The following MED27 variants were observed in gnomAD, a reference collection of about 807,000 sequenced individuals.
MED27 encodes mediator of RNA polymerase II transcription subunit 27.
In MED27, 30 loss-of-function variants were observed where a neutral mutation model predicts 38.2. The observed-to-expected ratio is 0.79, with a 90% CI of 0.59 to 1.07. The LOEUF (loss-of-function observed/expected upper bound fraction) is 1.07. Ranked by LOEUF, MED27 falls within the 50% of genes least tolerant of loss-of-function variation. The probability of loss-of-function intolerance (pLI) is 0.00; values close to 1 mark genes in which losing one functional copy is unlikely to be tolerated. For missense variants in MED27, 289 were observed against 397.5 expected, an observed-to-expected ratio of 0.73 and a Z score of 2.32; for synonymous variants, 122 against 153.5, an observed-to-expected ratio of 0.79 and a Z score of 1.52.
intron 6 of MED27, among the ~76,000 whole-genome samples, chr9:131,881,797 C>CTTTTTTTTT (rs1564266792): frequency 1.9e-5 from 1 of 53,780 alleles, no homozygotes; most frequent in African/African-American, 5.2e-5. Flanking sequence ...CCTTCTTCTT[C>CTTTTTTTTT]TTCTTTTTTT....
At chr9:131,931,177 G>A (rs540450845) in intron 4 of MED27, among the ~76,000 whole-genome samples, 69 of 152,084 alleles carry the variant, frequency 4.5e-4, no homozygotes, top group African/African-American at 6.3e-4. Flanking sequence ...CTCAGGGGGC[G>A]GAGGCTGCAG....
At chr9:131,973,464 T>C (rs1444918647) in intron 3 of MED27, among the ~76,000 whole-genome samples, 1 of 148,136 alleles carries the variant, frequency 6.8e-6, no homozygotes, top group Non-Finnish European at 1.5e-5. Flanking sequence ...TTTCTTTTTT[T>C]TTTTTTTTTT....
chr9:131,905,532 C>T (rs117054348), intron 4 of MED27, among the ~76,000 whole-genome samples: 1 of 152,008 alleles, frequency 6.6e-6, no homozygotes, highest in Non-Finnish European at 1.5e-5. Context: ...CTTAGGCCAA[C>T]AAAACTGCGT....
intron 4 of MED27, among the ~76,000 whole-genome samples, chr9:131,931,543 T>C (rs1415131960): frequency 6.6e-6 from 1 of 151,788 alleles, no homozygotes; most frequent in East Asian, 1.9e-4. Flanking sequence ...ATAAGTAAAC[T>C]CTCCAATCAA....
rs756688103 is a variant in MED27 at position 131,862,607 on chromosome 9, C to G, written c.801+456G>C. On this transcript the variant is annotated intron_variant, in intron 7 of 7. Transcript: ENST00000292035. This position sits in a 1 kb window ranked among gnomAD's most constrained non-coding sequence, Gnocchi z 4.6. ...TCGCAAGATACTGAACAGGCACTGG[C>G]AGGAGCCGGCTGCAGCACCCCATTG... is the stretch of plus-strand genomic sequence containing the variant. 9.1e-4 allele frequency among the ~76,000 whole-genome samples: 138 copies of G among 152,158 alleles called. 5 individuals are homozygous for G. Among genetic ancestry groups the G allele is most frequent in the Admixed American group, 5.2e-4 (8 of 15,274 alleles).
intron 2 of MED27, among the ~76,000 whole-genome samples, chr9:132,027,347 C>A (rs1832846818): frequency 6.6e-6 from 1 of 152,250 alleles, no homozygotes; most frequent in Non-Finnish European, 1.5e-5. Context: ...GCTCCAGCAG[C>A]TTCCGGCCAT....
rs142591013 is a variant in MED27 at position 132,041,613 on chromosome 9, G to C, written c.349-27146C>G. The stretch of plus-strand genomic sequence containing the variant: ...AAGGCCTGCAGTGCCCATGTGTGTT[G>C]TGACAAAGCTCGACTGAAAGATGGA... On this transcript the variant is annotated intron_variant, in intron 2 of 7. Coordinates refer to ENST00000292035, the MANE Select transcript of MED27 (RefSeq NM_004269.4). 2.0e-5 allele frequency among the ~76,000 whole-genome samples: 3 copies of C among 152,258 alleles called. No individual in the cohort carries two copies. In the East Asian group the frequency reaches 5.8e-4, roughly 29 times the overall value.
chr9:131,970,316 G>A (rs1300593899), intron 3 of MED27, among the ~76,000 whole-genome samples: 1 of 152,236 alleles, frequency 6.6e-6, no homozygotes, highest in Non-Finnish European at 1.5e-5. Context: ...TCCAGGGCCT[G>A]GCAGGGCCAC....
chr9:131,939,514 C>T (rs756785948), intron 3 of MED27, 40 bp from the exon 4 acceptor site: 40 of 1,271,174 alleles, frequency 3.1e-5, no homozygotes, highest in Admixed American at 7.8e-5. Context: ...ACTACAACTC[C>T]AGTTAAGAGC....
At position 131,922,389 on chromosome 9, in the gene MED27, T is replaced by C. The variant is rs368529781; in HGVS notation, c.573+16992A>G. Among the ~76,000 whole-genome samples, 18 of 151,468 alleles carry C rather than the reference T, an allele frequency of 1.2e-4. No homozygotes were observed. In the South Asian group the frequency reaches 3.7e-3, roughly 31 times the overall value. ...TTATGAGTGTTATTTATTTTGGTGT[T>C]CAATTGTCCTGGGTTTGGTGAGTAG... On this transcript the variant is annotated intron_variant, in intron 4 of 7. Transcript: ENST00000292035.
chr9:132,037,640 T>C (rs959207831), intron 2 of MED27, among the ~76,000 whole-genome samples: 3 of 152,104 alleles, frequency 2.0e-5, no homozygotes, highest in East Asian at 3.9e-4. Context: ...ACAGCAACAA[T>C]GGGCTTGGGC....
At position 131,907,419 on chromosome 9, in the gene MED27, C is replaced by T. The variant is rs533088118; in HGVS notation, c.574-13427G>A. Among the ~76,000 whole-genome samples, 641 of 152,294 alleles carry T rather than the reference C, an allele frequency of 4.2e-3. 10 individuals are homozygous for T. The highest frequency in any genetic ancestry group is 0.015 in the African/African-American group (619 of 41,560). On this transcript the variant is annotated intron_variant, in intron 4 of 7. Transcript: ENST00000292035. ...TTTTTTGGTGGAGACGGGGTTTCGC[C>T]GTGTTGGCCGGGCTGGTCTCCATCT... is the stretch of plus-strand genomic sequence containing the variant.
intron 6 of MED27, chr9:131,869,284 C>A (rs544529130): frequency 2.0e-6 from 2 of 985,182 alleles, no homozygotes. Flanking sequence ...AGTGATCTTC[C>A]GTCTTGTCAA....
chr9:132,019,484 G>A (rs1018010882), intron 2 of MED27, among the ~76,000 whole-genome samples: 5 of 152,276 alleles, frequency 3.3e-5, no homozygotes, highest in Admixed American at 3.3e-4. Context: ...CCCAGAAAGT[G>A]GGTATGTTCA....
At chr9:132,037,240 G>C (rs1490148714) in intron 2 of MED27, among the ~76,000 whole-genome samples, 1 of 152,138 alleles carries the variant, frequency 6.6e-6, no homozygotes, top group Non-Finnish European at 1.5e-5. Flanking sequence ...GAATAAACAC[G>C]CTTGAAGTGT....
At chr9:131,993,669 A>G (rs558527897) in intron 3 of MED27, among the ~76,000 whole-genome samples, 19 of 152,320 alleles carry the variant, frequency 1.2e-4, no homozygotes, top group African/African-American at 4.3e-4. Flanking sequence ...CCATCTCATC[A>G]TGACTAACTG....
intron 6 of MED27, among the ~76,000 whole-genome samples, chr9:131,867,057 C>T (rs1371455685): frequency 6.6e-6 from 1 of 152,220 alleles, no homozygotes; most frequent in Admixed American, 6.5e-5. Context: ...CATCTCAATC[C>T]TCATATCTGA....
chr9:132,021,897 C>T (rs968609450), intron 2 of MED27, among the ~76,000 whole-genome samples: 1 of 152,164 alleles, frequency 6.6e-6, no homozygotes, highest in African/African-American at 2.4e-5. Flanking sequence ...AGGAAAAGAG[C>T]CCTCACCAGA....
chr9:131,895,056 C>T (rs778720039), intron 4 of MED27, among the ~76,000 whole-genome samples: 2 of 152,160 alleles, frequency 1.3e-5, no homozygotes, highest in Admixed American at 6.5e-5. Flanking sequence ...CCTCGCCAGA[C>T]GGTGAAGCAG....
Sources: allele counts gnomAD v4.1 joint callset (sites outside exome capture counted in the v4.1 genomes callset), GRCh38; gene constraint gnomAD v4.1.1; non-coding constraint Gnocchi (gnomAD v3.1); transcripts MANE v1.5; gene names NCBI Gene and HGNC (gene_info 2026-07-23, HGNC 2026-07-21).